The following PTER variants were observed in gnomAD, a reference collection of about 807,000 sequenced individuals.
The protein encoded by PTER is phosphotriesterase related.
PTER carries 38 observed loss-of-function variants against 29.6 expected under a neutral mutation model. The ratio of observed to expected loss-of-function variants is 1.28; its 90% CI spans 0.99 to 1.68. PTER has a LOEUF of 1.68. PTER is among the 40% of genes most tolerant of loss of function. PTER has a pLI of 0.00. For synonymous variants in PTER, 172 were observed against 154.5 expected (o/e 1.11, Z -0.84); for missense variants, 482 against 427.8 (o/e 1.13, Z -1.12).
intron 3 of PTER, among the ~76,000 whole-genome samples, chr10:16,500,057 A>G (rs1388774483): frequency 7.2e-6 from 1 of 139,324 alleles, no homozygotes; most frequent in Non-Finnish European, 1.6e-5. Context: ...TTTTTTTTTA[A>G]CTGCATTTTC....
chr10:16,499,597 C>T (rs538771800), intron 3 of PTER, among the ~76,000 whole-genome samples: 1 of 151,940 alleles, frequency 6.6e-6, no homozygotes, highest in East Asian at 1.9e-4. Flanking sequence ...GTGCACCACC[C>T]TCACCTGGCT....
intron 3 of PTER, among the ~76,000 whole-genome samples, chr10:16,502,275 C>G (rs1836380171): frequency 6.6e-6 from 1 of 152,162 alleles, no homozygotes; most frequent in African/African-American, 2.4e-5. Context: ...AAATACTAAA[C>G]TTACCTCTTC....
At chr10:16,473,669 A>G (rs1386063055) in intron 1 of PTER, among the ~76,000 whole-genome samples, 1 of 152,110 alleles carries the variant, frequency 6.6e-6, no homozygotes, top group Non-Finnish European at 1.5e-5. Flanking sequence ...ATATCAAGTA[A>G]TAAGATGCAA....
intron 1 of PTER, among the ~76,000 whole-genome samples, chr10:16,448,327 C>T (rs150025016): frequency 0.018 from 2,724 of 152,296 alleles, 90 homozygotes; most frequent in African/African-American, 0.063. Context: ...GGACCTGTTG[C>T]AGAGCCTTCT....
intron 1 of PTER, among the ~76,000 whole-genome samples, chr10:16,452,539 C>T (rs1475360884): frequency 6.6e-6 from 1 of 151,382 alleles, no homozygotes; most frequent in African/African-American, 2.4e-5. Context: ...TGACCTCAAG[C>T]ACTCCATCTG....
chr10:16,489,903 G>A (rs1835837103), intron 3 of PTER, among the ~76,000 whole-genome samples: 1 of 152,148 alleles, frequency 6.6e-6, no homozygotes, highest in Non-Finnish European at 1.5e-5. Context: ...GCAAGTGCAG[G>A]AATGGGGCTA....
intron 1 of PTER, chr10:16,437,572 T>G (rs1176235620): frequency 1.3e-5 from 2 of 152,034 alleles, no homozygotes; most frequent in Non-Finnish European, 2.9e-5. Flanking sequence ...TTCGAACTCC[T>G]GGGCTCAATC....
chr10:16,502,485 G>A (rs1836389165), intron 3 of PTER, among the ~76,000 whole-genome samples: 1 of 152,068 alleles, frequency 6.6e-6, no homozygotes, highest in African/African-American at 2.4e-5. Context: ...ACATTTTATA[G>A]TAGAAAGGAA....
intron 1 of PTER, among the ~76,000 whole-genome samples, chr10:16,463,116 C>A (rs971129285): frequency 6.6e-6 from 1 of 151,040 alleles, no homozygotes; most frequent in Admixed American, 6.6e-5. Flanking sequence ...TCGCTTGAAC[C>A]CGGGAGGCGG....
chr10:16,476,130 C>G (rs975391455), intron 1 of PTER: 1 of 152,156 alleles, frequency 6.6e-6, no homozygotes, highest in African/African-American at 2.4e-5. Context: ...GTTGCCCAGG[C>G]TGGAGTGCAA....
At chr10:16,484,023 T>C (rs1835584052) in intron 1 of PTER, among the ~76,000 whole-genome samples, 2 of 152,278 alleles carry the variant, frequency 1.3e-5, no homozygotes, top group Non-Finnish European at 1.5e-5. Flanking sequence ...ATAGCTATGA[T>C]TAAGAGATAC....
At chr10:16,478,172 T>C (rs1360276316) in intron 1 of PTER, among the ~76,000 whole-genome samples, 3 of 152,220 alleles carry the variant, frequency 2.0e-5, no homozygotes, top group African/African-American at 7.2e-5. Context: ...ATCTCGTTTT[T>C]CAAATTAAGT....
chr10:16,464,125 T>G (rs1834723639), intron 1 of PTER, among the ~76,000 whole-genome samples: 1 of 152,174 alleles, frequency 6.6e-6, no homozygotes, highest in South Asian at 2.1e-4. Flanking sequence ...CAGATAACAC[T>G]TCTGATCTTC....
At chr10:16,507,789 A>T (rs1836633305) in intron 4 of PTER, among the ~76,000 whole-genome samples, 1 of 152,220 alleles carries the variant, frequency 6.6e-6, no homozygotes, top group Admixed American at 6.5e-5. Flanking sequence ...TAATACTCAG[A>T]TCAGTTATTT....
chr10:16,496,933 A>ATT (rs57514349), intron 3 of PTER, among the ~76,000 whole-genome samples: 176 of 131,998 alleles, frequency 1.3e-3, no homozygotes, highest in African/African-American at 4.2e-3. Flanking sequence ...GGTTCTCTGG[A>ATT]TTTTTTTTTT....
At chr10:16,480,590 G>A (rs1046545874) in intron 1 of PTER, among the ~76,000 whole-genome samples, 1 of 152,144 alleles carries the variant, frequency 6.6e-6, no homozygotes, top group African/African-American at 2.4e-5. Flanking sequence ...AAGAGCCTAT[G>A]TTTATGAAAT....
chr10:16,471,599 A>G, intron 1 of PTER, among the ~76,000 whole-genome samples: 1 of 152,092 alleles, frequency 6.6e-6, no homozygotes, highest in Non-Finnish European at 1.5e-5. Context: ...AAATACTTAA[A>G]CTAGTTTTGT....
Position 16,511,870 on chromosome 10 carries a change from C to A in PTER, c.*614C>A, listed in dbSNP as rs1333985777. 1 of 152,770 alleles carries A rather than the reference C, an allele frequency of 6.5e-6. No homozygotes were observed. The highest frequency in any genetic ancestry group is 1.5e-5 in the Non-Finnish European group (1 of 68,214). 9.5% of individuals were successfully genotyped at this position (152,770 alleles called of 1,614,324 possible). On this transcript the variant is annotated 3_prime_UTR_variant, in exon 5 of 5. Coordinates refer to ENST00000535784, the MANE Select transcript of PTER (RefSeq NM_001261836.2). ...TCTTCTACTGAAATGATTTTGATAT[C>A]TTTGGCTTTCCGGTATCTATTTTTG...
chr10:16,486,440 G>C lies in PTER; in HGVS notation c.521G>C (p.Trp174Ser). ...ATTATTGGAGAAATTGGTTGCTCCT[G>C]GCCTTTGACTGAGAGTGAAAGAAAG... is the stretch of plus-strand genomic sequence containing the variant. ...CGIIGEIGCS[W>S]PLTESERKVL... The change falls in exon 3 of 5, where the codon TGG (tryptophan) becomes TCG (serine). Residue 174 changes from tryptophan (W) to serine (S), a missense_variant. Trp to Ser is a radical substitution (Grantham distance 177, BLOSUM62 -3). Transcript: ENST00000535784. The C allele has an allele frequency of 6.2e-7, 1 of 1,613,986 alleles. No individual in the cohort carries two copies.
Sources: allele counts gnomAD v4.1 joint callset (sites outside exome capture counted in the v4.1 genomes callset), GRCh38; gene constraint gnomAD v4.1.1; transcripts MANE v1.5; gene names NCBI Gene and HGNC (gene_info 2026-07-23, HGNC 2026-07-21).